Variants in FHIP1A observed in about 807,000 individuals in gnomAD.
The protein encoded by FHIP1A is FHF complex subunit HOOK-interacting protein 1A.
Under a neutral mutation model 88.6 loss-of-function variants are expected in FHIP1A, and 61 were observed. The ratio of observed to expected loss-of-function variants is 0.69; its 90% CI spans 0.56 to 0.85. The LOEUF is 0.85. Among genes scored for constraint, FHIP1A ranks in the 40% least tolerant of loss-of-function variants. FHIP1A has a pLI of 0.00. For synonymous variants in FHIP1A, 478 were observed against 496.0 expected (o/e 0.96, Z 0.48); for missense variants, 1,154 against 1,273.5 (o/e 0.91, Z 1.43).
At chr4:151,555,035 C>G (rs1446183110) in intron 3 of FHIP1A, among the ~76,000 whole-genome samples, 2 of 152,074 alleles carry the variant, frequency 1.3e-5, no homozygotes, top group Non-Finnish European at 2.9e-5. Flanking sequence ...GCATGTTCTG[C>G]TTTGTGGTTC....
chr4:151,652,405 T>A (rs1259947066), intron 11 of FHIP1A, among the ~76,000 whole-genome samples: 1 of 152,196 alleles, frequency 6.6e-6, no homozygotes, highest in Non-Finnish European at 1.5e-5. Flanking sequence ...AGGCTTAACT[T>A]CTTCTCTCCA....
chr4:151,451,995 T>A (rs1174968706), intron 1 of FHIP1A, among the ~76,000 whole-genome samples: 2 of 152,028 alleles, frequency 1.3e-5, no homozygotes, highest in African/African-American at 2.4e-5. Flanking sequence ...ATTTTTAAAA[T>A]TTTTTTGTAG....
intron 7 of FHIP1A, among the ~76,000 whole-genome samples, chr4:151,601,949 T>A (rs945909236): frequency 5.3e-5 from 8 of 151,960 alleles, no homozygotes; most frequent in African/African-American, 1.5e-4. Context: ...ACATCTTACA[T>A]GGATGGCGGC....
intron 10 of FHIP1A, among the ~76,000 whole-genome samples, chr4:151,648,009 A>G (rs1276217659): frequency 6.6e-6 from 1 of 152,202 alleles, no homozygotes; most frequent in Non-Finnish European, 1.5e-5. Context: ...TTCAGATGCC[A>G]TGTTCTTTCC....
At chr4:151,526,386 G>A (rs1237860722) in intron 3 of FHIP1A, among the ~76,000 whole-genome samples, 6 of 151,256 alleles carry the variant, frequency 4.0e-5, no homozygotes, top group Admixed American at 1.3e-4. Context: ...CGGGCGGGGG[G>A]CTGACCCCCC....
intron 8 of FHIP1A, among the ~76,000 whole-genome samples, chr4:151,636,519 A>G (rs939101490): frequency 6.6e-6 from 1 of 152,042 alleles, no homozygotes; most frequent in Non-Finnish European, 1.5e-5. Context: ...GAATGCACTA[A>G]AATTGTTAGA....
At chr4:151,463,588 C>A (rs1349333031) in intron 2 of FHIP1A, among the ~76,000 whole-genome samples, 1 of 152,206 alleles carries the variant, frequency 6.6e-6, no homozygotes, top group Non-Finnish European at 1.5e-5. Context: ...ATGCCCCCAG[C>A]CTTCTGTTCT....
chr4:151,450,751 T>C (rs985183273), intron 1 of FHIP1A, among the ~76,000 whole-genome samples: 1 of 152,130 alleles, frequency 6.6e-6, no homozygotes, highest in Non-Finnish European at 1.5e-5. Flanking sequence ...AGTGGTGTTT[T>C]GATCTTTGTT....
chr4:151,523,891 G>A (rs1024541718), intron 3 of FHIP1A, among the ~76,000 whole-genome samples: 2 of 152,162 alleles, frequency 1.3e-5, no homozygotes, highest in Non-Finnish European at 2.9e-5. Flanking sequence ...ATTGATCCAT[G>A]TCCTTCTTTT....
chr4:151,602,382 C>T (rs1048465243), intron 7 of FHIP1A, among the ~76,000 whole-genome samples: 2 of 152,180 alleles, frequency 1.3e-5, no homozygotes, highest in Non-Finnish European at 2.9e-5. Flanking sequence ...TACTGCCAGA[C>T]TCCATGGGGA....
chr4:151,566,209 A>C lies in FHIP1A; in HGVS notation c.-51A>C. The C allele has an allele frequency of 1.1e-5, 14 of 1,242,644 alleles. No individual in the cohort carries two copies. Among genetic ancestry groups the C allele is most frequent in the Non-Finnish European group, 1.6e-5 (14 of 901,226 alleles). The allele number at this position is 1,242,644 out of a possible 1,614,324, so 77.0% of individuals were successfully genotyped here. ...CTTGAAAGTTAGTGACGGCTTACCA[A>C]ATTTTAATGAAAATTAAATATGACT... On this transcript the variant is annotated 5_prime_UTR_variant, in exon 4 of 14. Transcript: ENST00000435205.
At chr4:151,634,110 A>G (rs781412782) in intron 8 of FHIP1A, among the ~76,000 whole-genome samples, 6 of 151,966 alleles carry the variant, frequency 3.9e-5, no homozygotes, top group Middle Eastern at 3.4e-3. Context: ...GCACATAAGT[A>G]ATTTCTATAT....
chr4:151,595,430 A>AGTCTTACTTCCAATT (rs1734609194), intron 7 of FHIP1A, among the ~76,000 whole-genome samples: 1 of 152,030 alleles, frequency 6.6e-6, no homozygotes, highest in African/African-American at 2.4e-5. Context: ...TTTGCTGAGG[A>AGTCTTACTTCCAATT]GTGTTTTACT....
At chr4:151,597,475 G>C (rs1349438619) in intron 7 of FHIP1A, among the ~76,000 whole-genome samples, 1 of 152,172 alleles carries the variant, frequency 6.6e-6, no homozygotes, top group African/African-American at 2.4e-5. Flanking sequence ...ACCCCTGCTG[G>C]GAGGTGTCTC....
intron 3 of FHIP1A, among the ~76,000 whole-genome samples, chr4:151,535,468 A>G (rs886260951): frequency 2.0e-5 from 3 of 152,278 alleles, no homozygotes; most frequent in East Asian, 1.9e-4. Context: ...CCCACTTTCC[A>G]GAAGGAACCA....
At chr4:151,462,381 G>C (rs75335607) in intron 2 of FHIP1A, among the ~76,000 whole-genome samples, 2,203 of 152,144 alleles carry the variant, frequency 0.014, 23 homozygotes, top group Non-Finnish European at 0.021. Flanking sequence ...TTCACTGTCT[G>C]AACAGTTTCT....
chr4:151,530,322 C>G (rs568835306), intron 3 of FHIP1A, among the ~76,000 whole-genome samples: 1 of 152,042 alleles, frequency 6.6e-6, no homozygotes, highest in South Asian at 2.1e-4. Context: ...CATGGAGGCC[C>G]GAGACCAGGG....
chr4:151,420,865 A>G (rs370264988), intron 1 of FHIP1A, among the ~76,000 whole-genome samples: 3 of 152,234 alleles, frequency 2.0e-5, no homozygotes, highest in African/African-American at 4.8e-5. Context: ...CATGGCAGAA[A>G]TGTCTAATTA....
intron 3 of FHIP1A, among the ~76,000 whole-genome samples, chr4:151,519,637 A>T (rs1011650054): frequency 2.6e-5 from 4 of 152,002 alleles, no homozygotes; most frequent in African/African-American, 9.7e-5. Flanking sequence ...ATGTGTGTTT[A>T]TATTTCTATA....
Sources: allele counts gnomAD v4.1 joint callset (sites outside exome capture counted in the v4.1 genomes callset), GRCh38; gene constraint gnomAD v4.1.1; transcripts MANE v1.5; gene names NCBI Gene and HGNC (gene_info 2026-07-23, HGNC 2026-07-21).